DISC1: variants seen among roughly 807,000 people sequenced by gnomAD.
DISC1 encodes disrupted in schizophrenia 1 protein.
Under a neutral mutation model 84.5 loss-of-function variants are expected in DISC1, and 57 were observed. The observed-to-expected ratio is 0.67, with a 90% CI of 0.55 to 0.84. DISC1 has a LOEUF of 0.84. Among genes scored for constraint, DISC1 ranks in the 40% least tolerant of loss-of-function variants. The pLI is 0.00. For synonymous variants in DISC1, 411 were observed against 415.2 expected (o/e 0.99, Z 0.12); for missense variants, 1,000 against 1,057.8 (o/e 0.95, Z 0.76).
chr1:231,916,276 C>T (rs1029635773), intron 9 of DISC1, among the ~76,000 whole-genome samples: 1 of 152,200 alleles, frequency 6.6e-6, no homozygotes, highest in Non-Finnish European at 1.5e-5. Context: ...ACAGTGCAGC[C>T]TGCCTTCTGT....
intron 9 of DISC1, chr1:231,866,602 T>C: frequency 1.3e-6 from 2 of 1,506,084 alleles, no homozygotes; most frequent in Non-Finnish European, 1.8e-6. Flanking sequence ...GACACAGCAC[T>C]GTGATTTGAA....
intron 9 of DISC1, among the ~76,000 whole-genome samples, chr1:231,948,051 G>A (rs141509536): frequency 2.4e-3 from 369 of 152,260 alleles, no homozygotes; most frequent in African/African-American, 7.3e-3. Flanking sequence ...ACAGTGTAGC[G>A]ATTCCTCAAG....
chr1:231,760,797 G>A (rs1265900296), intron 4 of DISC1, among the ~76,000 whole-genome samples: 1 of 152,146 alleles, frequency 6.6e-6, no homozygotes, highest in Non-Finnish European at 1.5e-5. Context: ...TCTGAAGGTG[G>A]CCTCTCGAGC....
At chr1:231,807,413 C>T (rs368652197) in intron 8 of DISC1, among the ~76,000 whole-genome samples, 2 of 152,344 alleles carry the variant, frequency 1.3e-5, no homozygotes, top group East Asian at 3.9e-4. Context: ...TGATCTGGTC[C>T]ATCTGTTGAG....
chr1:231,835,470 C>T (rs1189409154), intron 9 of DISC1, among the ~76,000 whole-genome samples: 3 of 152,078 alleles, frequency 2.0e-5, no homozygotes, highest in Non-Finnish European at 2.9e-5. Flanking sequence ...AGCTTTTGAG[C>T]CAGGATGAGC....
chr1:231,676,793 C>T (rs2063197121), intron 1 of DISC1, among the ~76,000 whole-genome samples: 1 of 152,184 alleles, frequency 6.6e-6, no homozygotes, highest in Non-Finnish European at 1.5e-5. Context: ...CAAGAGCTAA[C>T]TCCAGTTTTA....
chr1:231,834,283 T>A (rs989642025), intron 9 of DISC1, among the ~76,000 whole-genome samples: 1 of 151,316 alleles, frequency 6.6e-6, no homozygotes, highest in Non-Finnish European at 1.5e-5. Context: ...CTTGGCCTGG[T>A]GAGGAGGGGA....
intron 11 of DISC1, among the ~76,000 whole-genome samples, chr1:232,016,980 T>C (rs1023402553): frequency 2.0e-5 from 3 of 152,228 alleles, no homozygotes; most frequent in African/African-American, 7.2e-5. Context: ...TACACGACTG[T>C]AGAACTCGGC....
intron 9 of DISC1, among the ~76,000 whole-genome samples, chr1:231,883,820 A>G (rs1053409000): frequency 2.0e-5 from 3 of 152,152 alleles, no homozygotes; most frequent in Non-Finnish European, 4.4e-5. Context: ...CAGGAGAAAC[A>G]TGATGCGTTC....
At chr1:231,713,747 GA>G (rs2068229799) in intron 3 of DISC1, among the ~76,000 whole-genome samples, 1 of 70,698 alleles carries the variant, frequency 1.4e-5, no homozygotes, top group Non-Finnish European at 3.5e-5. Context: ...ATATATATAG[GA>G]GATATATATA....
At chr1:231,891,989 A>G (rs527666549) in intron 9 of DISC1, among the ~76,000 whole-genome samples, 44 of 152,224 alleles carry the variant, frequency 2.9e-4, no homozygotes, top group African/African-American at 1.1e-3. Flanking sequence ...GTTTGACCCC[A>G]TTGCCAAGAA....
At chr1:231,720,859 G>A (rs2069574500) in intron 3 of DISC1, 1 of 1,290,820 alleles carries the variant, frequency 7.7e-7, no homozygotes, top group Non-Finnish European at 1.0e-6. Context: ...TTTGTTGGAG[G>A]AAGTTGCTAC....
intron 6 of DISC1, among the ~76,000 whole-genome samples, chr1:231,793,871 C>T (rs1252541774): frequency 1.3e-5 from 2 of 152,188 alleles, no homozygotes; most frequent in Non-Finnish European, 2.9e-5. Flanking sequence ...CATTTATCCA[C>T]TACTAGGATT....
chr1:231,780,300 T>C (rs938690383), intron 6 of DISC1, among the ~76,000 whole-genome samples: 1 of 151,102 alleles, frequency 6.6e-6, no homozygotes, highest in African/African-American at 2.4e-5. Flanking sequence ...CCTTTCTAAA[T>C]TGATAAATTG....
At chr1:231,693,721 G>A in intron 1 of DISC1, 105 bp from the exon 2 acceptor site, 2 of 1,553,032 alleles carry the variant, frequency 1.3e-6, no homozygotes, top group South Asian at 2.3e-5. Context: ...TTTGACAGGT[G>A]TACTGAGAGA....
chr1:231,869,059 G>A (rs1292494289), intron 9 of DISC1, among the ~76,000 whole-genome samples: 1 of 152,086 alleles, frequency 6.6e-6, no homozygotes, highest in Admixed American at 6.5e-5. Context: ...ATAATGAGAA[G>A]CTTCAGAAGG....
intron 3 of DISC1, among the ~76,000 whole-genome samples, chr1:231,721,555 A>G (rs1342247147): frequency 6.6e-6 from 1 of 152,186 alleles, no homozygotes; most frequent in African/African-American, 2.4e-5. Flanking sequence ...TTTATATCAT[A>G]TGGACTTGGG....
In DISC1 at chr1:231,701,997, G is replaced by A. The variant is rs552589341; in HGVS notation, c.1090G>A (p.Ala364Thr). The A allele has an allele frequency of 1.1e-4, 180 of 1,607,602 alleles. No individual in the cohort carries two copies. The highest frequency in any genetic ancestry group is 1.5e-4 in the Non-Finnish European group (171 of 1,177,306). Residue 364 changes from alanine (A) to threonine (T), a missense_variant, in exon 3 of 13, where the codon GCA (alanine) becomes ACA (threonine). Around this residue, in one of 3 missense-constraint regions of DISC1, gnomAD observed 311 missense variants for 400.1 expected, o/e 0.78. Coordinates refer to ENST00000439617, the MANE Select transcript of DISC1 (RefSeq NM_018662.3). ...RLKLQKLQED[A>T]VENDDYDKAE... is the part of the protein sequence containing the mutation. ...AAAACTTCAGAAACTTCAGGAAGAT[G>A]CAGTTGAGAATGATGATTATGATAA...
intron 9 of DISC1, among the ~76,000 whole-genome samples, chr1:231,926,736 G>C (rs2090380270): frequency 6.6e-6 from 1 of 152,142 alleles, no homozygotes; most frequent in South Asian, 2.1e-4. Flanking sequence ...AAAAGAGAAG[G>C]GAAGCTCCTT....
Sources: gnomAD v4.1 joint callset for allele counts (sites outside exome capture counted in the v4.1 genomes callset) on GRCh38, gnomAD v4.1.1 for gene constraint, gnomAD v4.1.1 regional missense constraint, MANE v1.5 for transcripts, NCBI Gene and HGNC (gene_info 2026-07-23, HGNC 2026-07-21) for gene names.